Variants in CNTNAP3B observed in about 807,000 individuals in gnomAD.
CNTNAP3B encodes contactin associated protein family member 3B.
In CNTNAP3B, 25 loss-of-function variants were observed where a neutral mutation model predicts 108.9. That is an observed-to-expected ratio of 0.23 (90% CI 0.17 to 0.32). CNTNAP3B has a LOEUF of 0.32. Ranked by LOEUF, CNTNAP3B falls within the 10% of genes least tolerant of loss-of-function variation. The probability of loss-of-function intolerance (pLI) is 1.00; values close to 1 mark genes in which losing one functional copy is unlikely to be tolerated. For missense variants in CNTNAP3B, 252 were observed against 1,210.4 expected (o/e 0.21, Z 11.75); for synonymous variants, 103 against 473.4 (o/e 0.22, Z 10.16).
chr9:42,058,309 ATACAAATT>A (rs1827116754), intron 3 of CNTNAP3B, among the ~76,000 whole-genome samples: 2 of 152,204 alleles, frequency 1.3e-5, no homozygotes, highest in South Asian at 4.1e-4. Context: ...CATAATGGAT[ATACAAATT>A]TACATTGCCA....
At chr9:42,127,525 C>G (rs979188077) in intron 1 of CNTNAP3B, among the ~76,000 whole-genome samples, 1 of 139,548 alleles carries the variant, frequency 7.2e-6, no homozygotes, top group African/African-American at 2.8e-5. Flanking sequence ...TTGTATTTTG[C>G]CAGTTGATTG....
chr9:42,124,433 C>A (rs1233169348), intron 1 of CNTNAP3B, among the ~76,000 whole-genome samples: 1 of 137,536 alleles, frequency 7.3e-6, no homozygotes, highest in Admixed American at 7.3e-5. Flanking sequence ...ACACATCAAG[C>A]AGATATATGA....
chr9:41,933,334 T>C (rs1191537768), intron 14 of CNTNAP3B, among the ~76,000 whole-genome samples: 19 of 152,290 alleles, frequency 1.2e-4, no homozygotes, highest in African/African-American at 4.6e-4. Context: ...AAAAATGTCT[T>C]CAGACAATGC....
chr9:42,120,911 T>C (rs1828447627), intron 1 of CNTNAP3B, among the ~76,000 whole-genome samples: 4 of 137,288 alleles, frequency 2.9e-5, no homozygotes, highest in Middle Eastern at 3.6e-3. Context: ...ACATGGCACA[T>C]GTATACATAT....
chr9:41,940,741 G>C (rs1156804486), intron 13 of CNTNAP3B, among the ~76,000 whole-genome samples: 1 of 152,078 alleles, frequency 6.6e-6, no homozygotes, highest in Non-Finnish European at 1.5e-5. Flanking sequence ...CGTGAACCCG[G>C]GAGGCGGAGC....
chr9:42,063,340 T>G (rs1407933846), intron 3 of CNTNAP3B, among the ~76,000 whole-genome samples: 1 of 133,478 alleles, frequency 7.5e-6, no homozygotes, highest in Admixed American at 7.5e-5. Flanking sequence ...TGTTATGTTT[T>G]GTTTTTTTCC....
intron 13 of CNTNAP3B, among the ~76,000 whole-genome samples, chr9:41,951,215 G>C (rs1001175539): frequency 1.4e-5 from 2 of 147,342 alleles, no homozygotes; most frequent in Admixed American, 7.0e-5. Flanking sequence ...TCTCACAAGT[G>C]TATGTAAATC....
intron 12 of CNTNAP3B, among the ~76,000 whole-genome samples, chr9:41,956,049 T>A (rs1177284488): frequency 6.6e-6 from 1 of 152,356 alleles, no homozygotes. Context: ...GAATATCTCA[T>A]GTCATTTATT....
chr9:42,129,237 C>T lies in CNTNAP3B; in HGVS notation c.-143G>A, dbSNP rs1346127203. The T allele has an allele frequency of 1.6e-6, 2 of 1,242,654 alleles. No individual in the cohort carries two copies. The highest frequency in any genetic ancestry group is 3.0e-5 in the Admixed American group (1 of 33,756). 77.0% of individuals were successfully genotyped at this position (1,242,654 alleles called of 1,614,324 possible). On this transcript the variant is annotated 5_prime_UTR_variant, in exon 1 of 24. Coordinates refer to ENST00000377561, the MANE Select transcript of CNTNAP3B (RefSeq NM_001201380.3). ...CCCCTGTCCAGTCTCTAGCTCTCTTCCTCACGCACTGGCAGCCTCCCTCGG... is the reference window on the plus strand; with the variant it reads ...CCCCTGTCCAGTCTCTAGCTCTCTTTCTCACGCACTGGCAGCCTCCCTCGG...
intron 14 of CNTNAP3B, among the ~76,000 whole-genome samples, chr9:41,934,148 C>CACAT (rs1824077175): frequency 1.2e-5 from 1 of 84,072 alleles, no homozygotes; most frequent in South Asian, 3.3e-4. Context: ...TATACACACA[C>CACAT]ATATATATAC....
In CNTNAP3B at chr9:42,077,632, T is replaced by C. The variant is rs1475232451; in HGVS notation, c.197-570A>G. On this transcript the variant is annotated intron_variant, in intron 2 of 23. Coordinates refer to ENST00000377561, the MANE Select transcript of CNTNAP3B (RefSeq NM_001201380.3). ...ACGAGGAACTGGGGTGTGGAGGAGATATTGGTTAAAAAATACAAAAAGGTA... is the reference window on the plus strand; with the variant it reads ...ACGAGGAACTGGGGTGTGGAGGAGACATTGGTTAAAAAATACAAAAAGGTA... Among the ~76,000 whole-genome samples the C allele has an allele frequency of 3.8e-5, 5 of 132,650 alleles. 1 individual carries two copies. Among genetic ancestry groups the C allele is most frequent in the African/African-American group, 6.1e-5 (2 of 32,818 alleles). 87.0% of individuals were successfully genotyped at this position (132,650 alleles called of 152,430 possible).
At chr9:42,018,933 T>C (rs1240572424) in intron 3 of CNTNAP3B, among the ~76,000 whole-genome samples, 3 of 136,750 alleles carry the variant, frequency 2.2e-5, no homozygotes, top group African/African-American at 8.7e-5. Context: ...AATCAATTAG[T>C]AGGAAACACT....
intron 4 of CNTNAP3B, among the ~76,000 whole-genome samples, chr9:42,007,297 G>C (rs1433240164): frequency 1.1e-5 from 1 of 88,826 alleles, no homozygotes. Flanking sequence ...ATGGTGGGAA[G>C]AGTTTAACTA....
intron 18 of CNTNAP3B, among the ~76,000 whole-genome samples, chr9:41,913,702 C>T (rs1411457709): frequency 1.5e-5 from 2 of 135,930 alleles, no homozygotes; most frequent in Non-Finnish European, 3.1e-5. Context: ...CTGCTGGTAT[C>T]CTTGAATCTA....
At chr9:41,966,826 G>C (rs1403166980) in intron 10 of CNTNAP3B, among the ~76,000 whole-genome samples, 1 of 150,890 alleles carries the variant, frequency 6.6e-6, no homozygotes, top group Non-Finnish European at 1.5e-5. Context: ...AATTAGCCAG[G>C]TGTGGTGGCG....
intron 3 of CNTNAP3B, among the ~76,000 whole-genome samples, chr9:42,030,750 C>CAG (rs34457074): frequency 0.067 from 3,999 of 60,062 alleles, 169 homozygotes; most frequent in South Asian, 0.075. Flanking sequence ...GAAAGAGATA[C>CAG]AGAGAGAGAG....
intron 13 of CNTNAP3B, among the ~76,000 whole-genome samples, chr9:41,939,759 A>G (rs1184649383): frequency 3.3e-5 from 5 of 152,404 alleles, no homozygotes; most frequent in African/African-American, 9.6e-5. Flanking sequence ...TTCCCCATAA[A>G]GTAGTAAAAA....
intron 18 of CNTNAP3B, among the ~76,000 whole-genome samples, chr9:41,913,677 G>T (rs1399215337): frequency 1.5e-5 from 2 of 137,334 alleles, no homozygotes; most frequent in East Asian, 2.0e-4. Flanking sequence ...ACTCTCCATT[G>T]CCCCCTCATC....
intron 1 of CNTNAP3B, among the ~76,000 whole-genome samples, chr9:42,112,075 C>T (rs944489500): frequency 7.2e-6 from 1 of 139,538 alleles, no homozygotes; most frequent in Non-Finnish European, 1.5e-5. Flanking sequence ...GCCGAATCCC[C>T]TACACATTTC....
Sources: allele counts gnomAD v4.1 joint callset (sites outside exome capture counted in the v4.1 genomes callset), GRCh38; gene constraint gnomAD v4.1.1; transcripts MANE v1.5; gene names NCBI Gene and HGNC (gene_info 2026-07-23, HGNC 2026-07-21).